Variants in PSMD13 observed in about 807,000 individuals in gnomAD.
PSMD13 encodes the protein proteasome 26S subunit, non-ATPase 13, also known as 26S proteasome non-ATPase regulatory subunit 13.
PSMD13 carries 8 observed loss-of-function variants against 57.4 expected under a neutral mutation model. The ratio of observed to expected loss-of-function variants is 0.14; its 90% confidence interval spans 0.08 to 0.25. The LOEUF (loss-of-function observed/expected upper bound fraction) is 0.25. Among genes scored for constraint, PSMD13 ranks in the 10% least tolerant of loss-of-function variants. The pLI is 1.00. For missense variants in PSMD13, 400 were observed against 461.5 expected, an observed-to-expected ratio of 0.87 and a Z score of 1.22; for synonymous variants, 193 against 168.2, an observed-to-expected ratio of 1.15 and a Z score of -1.14.
Position 251,339 on chromosome 11 carries a change from C to G in PSMD13, c.838-207C>G, listed in dbSNP as rs1286367480. On this transcript the variant is annotated intron_variant, in intron 10 of 12. Coordinates refer to ENST00000532097, the MANE Select transcript of PSMD13 (RefSeq NM_002817.4). The surrounding 1 kb of genome is among the most constrained non-coding windows in gnomAD (Gnocchi z 4.6). The stretch of plus-strand genomic sequence containing the variant: ...GAACAATGGCTACTGTCAGAAACTC[C>G]TGTAAGGCATTTTGCTGTTATCCTT... 12 of 565,572 alleles carry G rather than the reference C, an allele frequency of 2.1e-5. No individual in the cohort carries two copies. Among genetic ancestry groups the G allele is most frequent in the Non-Finnish European group, 3.4e-5 (11 of 322,722 alleles). The allele number at this position is 565,572 out of a possible 1,614,324, so 35.0% of individuals were successfully genotyped here.
At chr11:244,567 A>G (rs1859592076) in intron 5 of PSMD13, 98 bp downstream of exon 5, 2 of 1,495,586 alleles carry the variant, frequency 1.3e-6, no homozygotes, top group Non-Finnish European at 1.9e-6. Flanking sequence ...TTTAGAGACC[A>G]CAAGGCCTCT....
chr11:240,100 G>GATTTTTTTTTTTTT (rs1564820130), intron 2 of PSMD13, among the ~76,000 whole-genome samples: 1 of 44,486 alleles, frequency 2.2e-5, no homozygotes, highest in East Asian at 1.7e-3. Context: ...AATGAGACCT[G>GATTTTTTTTTTTTT]CTTTTTTTTT....
intron 1 of PSMD13, among the ~76,000 whole-genome samples, chr11:237,393 C>T (rs1197965823): frequency 6.6e-6 from 1 of 152,230 alleles, no homozygotes; most frequent in Non-Finnish European, 1.5e-5. Flanking sequence ...GTCTGAGATT[C>T]ACTGCTTCCT....
Position 244,082 on chromosome 11 carries a change from G to A in PSMD13, c.209+7G>A, listed in dbSNP as rs1240789403. ...TCAGTGAATTTGAACACAGGTAAAA[G>A]CCTCTCATCCGTTTTTCACTTTGAA... is the stretch of plus-strand genomic sequence containing the variant. On this transcript the variant is annotated splice_region_variant and intron_variant, in intron 3 of 12. Coordinates refer to ENST00000532097, the MANE Select transcript of PSMD13 (RefSeq NM_002817.4). The A allele has an allele frequency of 8.1e-6, 13 of 1,609,366 alleles. No homozygotes were observed. Among genetic ancestry groups the A allele is most frequent in the Non-Finnish European group, 1.1e-5 (13 of 1,177,338 alleles).
intron 1 of PSMD13, 72 bp downstream of exon 1, chr11:237,216 C>T: frequency 2.1e-6 from 3 of 1,441,428 alleles, no homozygotes; most frequent in South Asian, 1.2e-5. Context: ...GGCGGAGGAG[C>T]GGACCCTTGA....
intron 7 of PSMD13, chr11:247,779 GC>G: frequency 1.0e-5 from 2 of 195,046 alleles, no homozygotes; most frequent in Non-Finnish European, 2.1e-5. Context: ...GTTGCAGTGA[GC>G]CAAGATTGTA....
chr11:247,311 A>G lies in PSMD13; in HGVS notation c.431A>G (p.Asn144Ser), dbSNP rs758877855. The change falls in exon 7 of 13, where the codon AAC becomes AGC. Residue 144 changes from asparagine (N) to serine (S), a missense_variant. By Grantham distance (46) the Asn-to-Ser change is conservative (BLOSUM62 1). Coordinates refer to ENST00000532097, the MANE Select transcript of PSMD13 (RefSeq NM_002817.4). ...GAAGATGTTGAAGAAATGCTCAACA[A>G]CCTTCCTGGTGTGACATCGGTTCAC... ...TIEDVEEMLNNLPGVTSVHSR... is the reference protein window; with the variant it reads ...TIEDVEEMLNSLPGVTSVHSR... 1.7e-5 allele frequency: 27 copies of G among 1,613,654 alleles called. No homozygotes were observed. The highest frequency in any genetic ancestry group is 2.0e-5 in the Non-Finnish European group (24 of 1,179,898).
chr11:239,501 T>C (rs1859470284), intron 2 of PSMD13, among the ~76,000 whole-genome samples: 1 of 152,152 alleles, frequency 6.6e-6, no homozygotes, highest in African/African-American at 2.4e-5. Flanking sequence ...AAGATTACTA[T>C]CTGTGGGAAT....
chr11:238,257 A>C (rs1859416327), intron 1 of PSMD13, among the ~76,000 whole-genome samples: 1 of 152,228 alleles, frequency 6.6e-6, no homozygotes, highest in Admixed American at 6.5e-5. Flanking sequence ...CCAGCATCTC[A>C]AGTTAGATAT....
Position 247,310 on chromosome 11 carries a change from A to G in PSMD13, c.430A>G (p.Asn144Asp), listed in dbSNP as rs1214539662. 3 of 1,613,620 alleles carry G rather than the reference A, an allele frequency of 1.9e-6. No homozygotes were observed. The highest frequency in any genetic ancestry group is 2.2e-5 in the South Asian group (2 of 90,930). ...TGAAGATGTTGAAGAAATGCTCAAC[A>G]ACCTTCCTGGTGTGACATCGGTTCA... is the stretch of plus-strand genomic sequence containing the variant. ...TIEDVEEMLN[N>D]LPGVTSVHSR... Residue 144 changes from asparagine to aspartate, a missense_variant, in exon 7 of 13, where the codon AAC (asparagine) becomes GAC (aspartate). Asn to Asp is a conservative substitution (Grantham distance 23). Coordinates refer to ENST00000532097, the MANE Select transcript of PSMD13 (RefSeq NM_002817.4).
At position 248,866 on chromosome 11, in the gene PSMD13, C is replaced by T. The variant is rs1364480988; in HGVS notation, c.648+11C>T. 6.2e-6 allele frequency: 10 copies of T among 1,613,922 alleles called. No homozygotes were observed. In the African/African-American group the frequency reaches 1.3e-4, roughly 22 times the overall value. ...AACTTTGGAGAACTCGTAAGTTGAC[C>T]CTGAGCTCAGCTTCCTTAACGAGAG... is the stretch of plus-strand genomic sequence containing the variant. On this transcript the variant is annotated intron_variant, in intron 8 of 12. Coordinates refer to ENST00000532097, the MANE Select transcript of PSMD13 (RefSeq NM_002817.4).
rs1859713848 is a variant in PSMD13 at position 249,024 on chromosome 11, G to A, written c.741G>A (p.Arg247=). 1.9e-6 allele frequency: 3 copies of A among 1,613,656 alleles called. No homozygotes were observed. Among genetic ancestry groups the A allele is most frequent in the African/African-American group, 2.7e-5 (2 of 75,024 alleles). ...LYAFNSGNVE[R]FQTLKTAWGQ... ...CCTTCAACAGTGGCAACGTAGAGCG[G>A]TTCCAGACTCTGAAGACTGCCTGGG... is the stretch of plus-strand genomic sequence containing the variant. The change falls in exon 9 of 13, where the codon CGG becomes CGA. Residue 247 remains arginine (R), a synonymous_variant. Transcript: ENST00000532097.
Position 245,641 on chromosome 11 carries a change from CGTGTGTGT to C in PSMD13, c.396+913_396+920del, listed in dbSNP as rs4029226. Among the ~76,000 whole-genome samples, 588 of 122,426 alleles carry C rather than the reference CGTGTGTGT, an allele frequency of 4.8e-3. 2 individuals carry two copies. Among genetic ancestry groups the C allele is most frequent in the South Asian group, 6.4e-3 (23 of 3,580 alleles). The allele number at this position is 122,426 out of a possible 152,430, so 80.3% of individuals were successfully genotyped here. A position where few individuals can be genotyped will look rare whatever the true frequency, so the allele number is the denominator to read the frequency against. On this transcript the variant is annotated intron_variant, in intron 6 of 12. Transcript: ENST00000532097. ...GCTGGTCCACCTGGTTGAACCAGAACGTGTGTGTGTGTGTGTGTGTGTGTGTGTGTGTG... is the reference window on the plus strand; with the variant it reads ...GCTGGTCCACCTGGTTGAACCAGAACGTGTGTGTGTGTGTGTGTGTGTGTG...
intron 3 of PSMD13, 33 bp from the exon 4 acceptor site, chr11:244,128 G>A: frequency 1.9e-6 from 3 of 1,606,630 alleles, no homozygotes; most frequent in Non-Finnish European, 2.6e-6. Context: ...TTGATGCTCG[G>A]CGGTGCTCAA....
At chr11:247,189 C>G (rs1197598119) in intron 6 of PSMD13, 88 bp from the exon 7 acceptor site, 5 of 1,369,776 alleles carry the variant, frequency 3.7e-6, no homozygotes, top group East Asian at 5.1e-5. Context: ...TCAAGACCAC[C>G]CTAGGCAACA....
chr11:238,858 G>A, intron 1 of PSMD13, 140 bp from the exon 2 acceptor site: 1 of 806,212 alleles, frequency 1.2e-6, no homozygotes, highest in Non-Finnish European at 2.1e-6. Context: ...TTGGATTTTG[G>A]AGCATTTTGA....
At chr11:242,098 A>G (rs1185822869) in intron 2 of PSMD13, among the ~76,000 whole-genome samples, 2 of 150,496 alleles carry the variant, frequency 1.3e-5, no homozygotes, top group Admixed American at 1.3e-4. Flanking sequence ...TAACCTTTGA[A>G]GCCTCTCCCT....
At chr11:238,069 G>A (rs1220755571) in intron 1 of PSMD13, among the ~76,000 whole-genome samples, 1 of 152,244 alleles carries the variant, frequency 6.6e-6, no homozygotes, top group Non-Finnish European at 1.5e-5. Flanking sequence ...AATTTTCAAA[G>A]CATTTTATCT....
intron 6 of PSMD13, among the ~76,000 whole-genome samples, chr11:245,700 G>C (rs1859630061): frequency 2.5e-5 from 1 of 39,358 alleles, no homozygotes; most frequent in South Asian, 8.4e-4. Context: ...GTGTTCGTGT[G>C]TTTGTGTGTG....
Sources: gnomAD v4.1 joint callset for allele counts (sites outside exome capture counted in the v4.1 genomes callset) on GRCh38, gnomAD v4.1.1 for gene constraint, Gnocchi (gnomAD v3.1) non-coding constraint, MANE v1.5 for transcripts, NCBI Gene and HGNC (gene_info 2026-07-23, HGNC 2026-07-21) for gene names.